The following ALDH16A1 variants were observed in gnomAD, a reference collection of about 807,000 sequenced individuals.
The protein encoded by ALDH16A1 is aldehyde dehydrogenase 16 family member A1.
In ALDH16A1, 88 loss-of-function variants were observed where a neutral mutation model predicts 96.1. The ratio of observed to expected loss-of-function variants is 0.92; its 90% confidence interval spans 0.77 to 1.09. ALDH16A1 has a LOEUF of 1.09. Ranked by LOEUF, ALDH16A1 falls within the 50% of genes least tolerant of loss-of-function variation. The pLI is 0.00. For synonymous variants in ALDH16A1, 522 were observed against 496.4 expected (o/e 1.05, Z -0.69); for missense variants, 1,250 against 1,112.6 (o/e 1.12, Z -1.76).
chr19:49,465,749 C>T lies in ALDH16A1; in HGVS notation c.1580C>T (p.Pro527Leu), dbSNP rs150414818. The T allele has an allele frequency of 4.3e-6, 7 of 1,613,698 alleles. No homozygotes were observed. The highest frequency in any genetic ancestry group is 2.2e-5 in the East Asian group (1 of 44,882). ...GPEIGPSPAPPYGLFVGGRFQ... is the reference protein window; with the variant it reads ...GPEIGPSPAPLYGLFVGGRFQ... ...CCACCCTACTCCAGCCCAGCACCCCCCTATGGGCTCTTCGTTGGGGGCCGT... is the reference window on the plus strand; with the variant it reads ...CCACCCTACTCCAGCCCAGCACCCCTCTATGGGCTCTTCGTTGGGGGCCGT... Residue 527 changes from proline (P) to leucine (L), a missense_variant, in exon 13 of 17, where the codon CCC (proline) becomes CTC (leucine). Pro to Leu is a moderately conservative substitution (Grantham distance 98, BLOSUM62 -3). Transcript: ENST00000293350.
chr19:49,458,568 C>A lies in ALDH16A1; in HGVS notation c.173C>A (p.Pro58His). 2 of 1,561,490 alleles carry A rather than the reference C, an allele frequency of 1.3e-6. No individual in the cohort carries two copies. Among genetic ancestry groups the A allele is most frequent in the South Asian group, 2.4e-5 (2 of 85,008 alleles). ...AAGCCTGAACACAGAAATTCAGTGC[C>A]TTGCCAGGATCCCATCACAGGTACG... ...WLKPEHRNSV[P>H]CQDPITGENL... The change falls in exon 2 of 17, where the codon CCT (proline) becomes CAT (histidine). Residue 58 changes from proline (P) to histidine (H), a missense_variant. By Grantham distance (77) the Pro-to-His change is moderately conservative. Transcript: ENST00000293350.
At chr19:49,457,538 ACT>A (rs1481581802) in intron 1 of ALDH16A1, among the ~76,000 whole-genome samples, 1 of 120,952 alleles carries the variant, frequency 8.3e-6, no homozygotes, top group African/African-American at 3.1e-5. Context: ...ACAGAGCAAG[ACT>A]CTGTCTCAAA....
chr19:49,456,110 T>C (rs1440124767), intron 1 of ALDH16A1, among the ~76,000 whole-genome samples: 1 of 152,170 alleles, frequency 6.6e-6, no homozygotes, highest in Non-Finnish European at 1.5e-5. Context: ...TCTTTTGGAA[T>C]TTTGTTTTTC....
rs2079195748 is a variant in ALDH16A1 at position 49,466,092 on chromosome 19, C to A, written c.1747C>A (p.Gln583Lys). 7 of 1,543,986 alleles carry A rather than the reference C, an allele frequency of 4.5e-6. No homozygotes were observed. Among genetic ancestry groups the A allele is most frequent in the African/African-American group, 4.1e-5 (3 of 73,384 alleles). The change falls in exon 14 of 17, where the codon CAG becomes AAG. Residue 583 changes from glutamine to lysine, a missense_variant. Coordinates refer to ENST00000293350, the MANE Select transcript of ALDH16A1 (RefSeq NM_153329.4). ...GCTGTCTGCCCACAGCTGGGCGGGC[C>A]AGTCCCCAGGAGCCCGGGCAGCCCT... ...AHQAFPGWAG[Q>K]SPGARAALLW...
intron 1 of ALDH16A1, among the ~76,000 whole-genome samples, chr19:49,453,972 G>T (rs531526682): frequency 6.6e-6 from 1 of 151,562 alleles, no homozygotes; most frequent in African/African-American, 2.4e-5. Flanking sequence ...TGACCTCATC[G>T]GAACTCTCAG....
chr19:49,465,155 G>A (rs1759915144), intron 12 of ALDH16A1, among the ~76,000 whole-genome samples: 1 of 151,144 alleles, frequency 6.6e-6, no homozygotes, highest in African/African-American at 2.4e-5. Flanking sequence ...CAAGGGAGCA[G>A]TTTAGGGTCT....
chr19:49,464,199 C>T lies in ALDH16A1; in HGVS notation c.1267C>T (p.Pro423Ser). 3.1e-6 allele frequency: 5 copies of T among 1,606,754 alleles called. No homozygotes were observed. The highest frequency in any genetic ancestry group is 4.2e-6 in the Non-Finnish European group (5 of 1,179,454). The change falls in exon 10 of 17, where the codon CCC becomes TCC. Residue 423 changes from proline (P) to serine (S), a missense_variant. By Grantham distance (74) the Pro-to-Ser change is moderately conservative (BLOSUM62 -1). Transcript: ENST00000293350. ...KEALLVANGT[P>S]RGGSASVWSE... ...GGCACTGTTGGTGGCCAACGGGACG[C>T]CCCGCGGGGGCAGCGCCAGTGTGTG...
At position 49,460,824 on chromosome 19, in the gene ALDH16A1, G is replaced by A. The variant is rs765938910; in HGVS notation, c.502G>A (p.Val168Ile). The A allele has an allele frequency of 1.2e-6, 2 of 1,613,148 alleles. No individual in the cohort carries two copies. Among genetic ancestry groups the A allele is most frequent in the Non-Finnish European group, 1.7e-6 (2 of 1,179,776 alleles). ...CTTGCCTCATTTTTTTCTTGCAGGA[G>A]TAATTGGCCTCATCCTGCCACCCAC... ...EALAGWEPMGVIGLILPPTFS... is the reference protein window; with the variant it reads ...EALAGWEPMGIIGLILPPTFS... The change falls in exon 5 of 17, where the codon GTA becomes ATA. Residue 168 changes from valine to isoleucine, a missense_variant and splice_region_variant. Transcript: ENST00000293350.
In ALDH16A1 at chr19:49,453,349, AG is replaced by A. The variant is rs1234052280; in HGVS notation, c.21del (p.Arg9AlafsTer36). Reference sequence around the variant, plus strand: ...GGTAGGCGATGGCTGCGACGCGTGCAGGGCCCCGCGCCCGCGAGATCTTCAC... The same window carrying A: ...GGTAGGCGATGGCTGCGACGCGTGCAGGCCCCGCGCCCGCGAGATCTTCAC... The part of the protein sequence containing the change: MAATRA[G>X]PRAREIFTSL... On this transcript the variant is annotated frameshift_variant, in exon 1 of 17. Transcript: ENST00000293350. LOFTEE classifies it high-confidence loss of function. The A allele has an allele frequency of 6.5e-7, 1 of 1,544,914 alleles. No homozygotes were observed. Among genetic ancestry groups the A allele is most frequent in the Non-Finnish European group, 8.7e-7 (1 of 1,147,778 alleles).
chr19:49,454,024 T>TTTTTGTG (rs1555798651), intron 1 of ALDH16A1, among the ~76,000 whole-genome samples: 41,168 of 113,710 alleles, frequency 0.36, 6,808 homozygotes, highest in Middle Eastern at 0.44. Flanking sequence ...GGTTGGGTTT[T>TTTTTGTG]TTTTTTGTTT....
intron 14 of ALDH16A1, among the ~76,000 whole-genome samples, chr19:49,466,657 G>A (rs932451271): frequency 1.3e-5 from 2 of 151,950 alleles, no homozygotes; most frequent in African/African-American, 4.8e-5. Flanking sequence ...TCAGGAGATC[G>A]AGACCAGCCT....
rs1384314304 is a variant in ALDH16A1, at chr19:49,464,009, G to T, written c.1194+60G>T. 5 of 1,579,298 alleles carry T rather than the reference G, an allele frequency of 3.2e-6. No homozygotes were observed. The African/African-American group carries it at 6.7e-5, about 21-fold the overall frequency. ...CGCCAGCCAAGGGCAGCAGCTCTGT[G>T]CCTGGGGAAGCCCTTGGGGTAACCA... On this transcript the variant is annotated intron_variant, in intron 9 of 16. Coordinates refer to ENST00000293350, the MANE Select transcript of ALDH16A1 (RefSeq NM_153329.4).
intron 1 of ALDH16A1, among the ~76,000 whole-genome samples, chr19:49,455,596 T>C (rs1033499755): frequency 1.3e-5 from 2 of 150,390 alleles, no homozygotes; most frequent in Admixed American, 1.3e-4. Flanking sequence ...CTGTCCCCCC[T>C]GAAAAAAAAA....
intron 1 of ALDH16A1, 168 bp downstream of exon 1, chr19:49,453,589 A>C: frequency 6.5e-6 from 4 of 619,094 alleles, no homozygotes; most frequent in Non-Finnish European, 1.1e-5. Flanking sequence ...CGCTCCCTTG[A>C]GCCTTGGCGG....
At chr19:49,454,028 T>TGTG (rs1315745419) in intron 1 of ALDH16A1, among the ~76,000 whole-genome samples, 7 of 128,760 alleles carry the variant, frequency 5.4e-5, no homozygotes, top group Non-Finnish European at 5.2e-5. Context: ...GGGTTTTTTT[T>TGTG]TTGTTTTTTT....
At chr19:49,470,165 T>C (rs983830577) in intron 16 of ALDH16A1, 141 bp from the exon 17 acceptor site, 20 of 1,006,080 alleles carry the variant, frequency 2.0e-5, no homozygotes, top group Non-Finnish European at 2.8e-5. Context: ...GAAGTTCTGC[T>C]TGGGAGGAGC....
At chr19:49,466,052 C>T (rs779402676) in intron 13 of ALDH16A1, 30 bp from the exon 14 acceptor site, 62 of 1,539,378 alleles carry the variant, frequency 4.0e-5, no homozygotes, top group Non-Finnish European at 5.1e-5. Context: ...ACCAGGATGC[C>T]AACCCCCACT....
chr19:49,464,416 G>C lies in ALDH16A1; in HGVS notation c.1332-1G>C. 4 of 1,597,192 alleles carry C rather than the reference G, an allele frequency of 2.5e-6. No homozygotes were observed. The highest frequency in any genetic ancestry group is 3.4e-6 in the Non-Finnish European group (4 of 1,171,978). On this transcript the variant is annotated splice_acceptor_variant, in intron 10 of 16. Coordinates refer to ENST00000293350, the MANE Select transcript of ALDH16A1 (RefSeq NM_153329.4). LOFTEE classifies it high-confidence loss of function. ...GTTGGACACCTTCATCTTCCCCACA[G>C]GCTCCAGGTGGGCACTGTCTGGATC...
chr19:49,469,123 C>A (rs2079224276), intron 16 of ALDH16A1, 137 bp downstream of exon 16: 1 of 1,330,398 alleles, frequency 7.5e-7, no homozygotes, highest in Non-Finnish European at 1.0e-6. Context: ...GTTTTGAGGC[C>A]CCGCCCTTAG....
Sources: allele counts gnomAD v4.1 joint callset (sites outside exome capture counted in the v4.1 genomes callset), GRCh38; gene constraint gnomAD v4.1.1; transcripts MANE v1.5; gene names NCBI Gene and HGNC (gene_info 2026-07-23, HGNC 2026-07-21).